The following HMCN2 variants were observed in gnomAD, a reference collection of about 807,000 sequenced individuals.
HMCN2 encodes the protein hemicentin 2.
HMCN2 carries 325 observed loss-of-function variants against 377.5 expected under a neutral mutation model. That is an observed-to-expected ratio of 0.86 (90% CI 0.79 to 0.94). The LOEUF is 0.94. Among genes scored for constraint, HMCN2 ranks in the 40% least tolerant of loss-of-function variants. The probability of loss-of-function intolerance (pLI) is 0.00; values close to 1 mark genes in which losing one functional copy is unlikely to be tolerated. For synonymous variants in HMCN2, 2,007 were observed against 2,046.8 expected (o/e 0.98, Z 0.53); for missense variants, 4,543 against 4,725.3 (o/e 0.96, Z 1.13).
rs1337581302 is a variant in HMCN2, at chr9:130,357,903, A to G, written c.5495A>G (p.Gln1832Arg). Residue 1832 changes from glutamine (Q) to arginine (R), a missense_variant, in exon 35 of 98, where the codon CAG (glutamine) becomes CGG (arginine). Coordinates refer to ENST00000683500, the MANE Select transcript of HMCN2 (RefSeq NM_001291815.2). ...TAPFLQPVTL[Q>R]CIGDGVPTPS... Reference sequence around the variant, plus strand: ...CCTTTCCTGCAGCCTGTGACCCTCCAGTGCATAGGGGATGGGGTGCCCACC... The same window carrying G: ...CCTTTCCTGCAGCCTGTGACCCTCCGGTGCATAGGGGATGGGGTGCCCACC... The G allele has an allele frequency of 2.3e-6, 3 of 1,304,038 alleles. No homozygotes were observed. Among genetic ancestry groups the G allele is most frequent in the Admixed American group, 4.6e-5 (2 of 43,550 alleles). 80.8% of individuals were successfully genotyped at this position (1,304,038 alleles called of 1,614,324 possible).
rs1554937028 is a variant in HMCN2 at position 130,306,911 on chromosome 9, C to A, written c.2059C>A (p.Gln687Lys). The A allele has an allele frequency of 2.1e-6, 1 of 470,736 alleles. No homozygotes were observed. Among genetic ancestry groups the A allele is most frequent in the South Asian group, 1.6e-5 (1 of 64,514 alleles). The allele number at this position is 470,736 out of a possible 1,614,324, so 29.2% of individuals were successfully genotyped here. A position where few individuals can be genotyped will look rare whatever the true frequency, so the allele number is the denominator to read the frequency against. ...GGCGACTAATGAGGTTGGCACTGAC[C>A]AGGAGACGGTCACCCTCTACTACAC... The part of the protein sequence containing the change: ...CQATNEVGTD[Q>K]ETVTLYYTDP... The change falls in exon 13 of 98, where the codon CAG becomes AAG. Residue 687 changes from glutamine to lysine, a missense_variant. Around this residue, in one of 5 missense-constraint regions of HMCN2, gnomAD observed 547 missense variants for 189.9 expected, o/e 2.88. Transcript: ENST00000683500.
At chr9:130,387,878 A>C (rs1001550700) in intron 61 of HMCN2, among the ~76,000 whole-genome samples, 4 of 152,222 alleles carry the variant, frequency 2.6e-5, no homozygotes, top group African/African-American at 9.6e-5. Context: ...GGAGTTTGAG[A>C]TCAGACTGGG....
intron 3 of HMCN2, among the ~76,000 whole-genome samples, 168 bp downstream of exon 3, chr9:130,285,484 G>A (rs1835371557): frequency 6.6e-6 from 1 of 152,242 alleles, no homozygotes; most frequent in South Asian, 2.1e-4. Context: ...TCCGAACCAA[G>A]TTGGCCCAGG....
intron 85 of HMCN2, among the ~76,000 whole-genome samples, chr9:130,418,282 C>T (rs950892037): frequency 2.0e-5 from 3 of 152,226 alleles, no homozygotes; most frequent in African/African-American, 4.8e-5. Flanking sequence ...AGCAGATGGC[C>T]GGGCGTGGTG....
intron 43 of HMCN2, 149 bp from the exon 44 acceptor site, chr9:130,368,127 G>A (rs1840795729): frequency 3.6e-6 from 1 of 275,654 alleles, no homozygotes; most frequent in Non-Finnish European, 5.5e-6. Flanking sequence ...ACTCATGGAA[G>A]GCTTCCCGGA....
chr9:130,293,277 AAG>A (rs1554930690), intron 4 of HMCN2, among the ~76,000 whole-genome samples: 3 of 36,090 alleles, frequency 8.3e-5, no homozygotes, highest in East Asian at 2.0e-3. Flanking sequence ...CTACTCACTA[AAG>A]TTTTTTTTTT....
At chr9:130,378,637 C>T (rs1026596973) in intron 53 of HMCN2, among the ~76,000 whole-genome samples, 3 of 151,824 alleles carry the variant, frequency 2.0e-5, no homozygotes, top group South Asian at 2.1e-4. Context: ...GCAAGCTGGG[C>T]GATGGATAAG....
In HMCN2 at chr9:130,277,844, TCAC is replaced by T. The variant is rs1280411383; in HGVS notation, c.260-6744_260-6742del. 5.1e-3 allele frequency among the ~76,000 whole-genome samples: 40 copies of T among 7,778 alleles called. 11 individuals carry two copies. Among genetic ancestry groups the T allele is most frequent in the African/African-American group, 0.016 (28 of 1,708 alleles). The allele number at this position is 7,778 out of a possible 152,430, so 5.1% of individuals were successfully genotyped here. A position where few individuals can be genotyped will look rare whatever the true frequency, so the allele number is the denominator to read the frequency against. On this transcript the variant is annotated intron_variant, in intron 1 of 97. Coordinates refer to ENST00000683500, the MANE Select transcript of HMCN2 (RefSeq NM_001291815.2). The stretch of plus-strand genomic sequence containing the variant: ...ATCATCACCACCACCATCATCATCA[TCAC>T]CACCACCACCACCATCATCATCATC...
chr9:130,282,272 A>G (rs1835162550), intron 1 of HMCN2, among the ~76,000 whole-genome samples: 1 of 152,186 alleles, frequency 6.6e-6, no homozygotes, highest in Non-Finnish European at 1.5e-5. Flanking sequence ...GCTCTGTGCC[A>G]GGGGTTTAGC....
chr9:130,350,378 CAAAAAAATACA>C (rs1463317643), intron 29 of HMCN2, among the ~76,000 whole-genome samples: 2 of 74,724 alleles, frequency 2.7e-5, no homozygotes, highest in East Asian at 4.0e-4. Context: ...GCTAAAAATA[CAAAAAAATACA>C]AAAAAAAAAA....
chr9:130,284,420 G>T (rs371369894), intron 1 of HMCN2, among the ~76,000 whole-genome samples, 183 bp from the exon 2 acceptor site: 120 of 152,202 alleles, frequency 7.9e-4, no homozygotes, highest in African/African-American at 2.7e-3. Flanking sequence ...GGGGCAGAGT[G>T]GTGTGACCTT....
intron 25 of HMCN2, among the ~76,000 whole-genome samples, chr9:130,344,294 T>G (rs1209145508): frequency 6.6e-6 from 1 of 151,798 alleles, no homozygotes; most frequent in Non-Finnish European, 1.5e-5. Context: ...ATGTGGTGTA[T>G]GTGTCATGTG....
At chr9:130,353,268 C>T (rs1839834864) in intron 31 of HMCN2, 63 bp downstream of exon 31, 3 of 1,264,570 alleles carry the variant, frequency 2.4e-6, no homozygotes, top group Non-Finnish European at 3.1e-6. Context: ...CATGGTGGCC[C>T]CTGCCTGTCT....
intron 53 of HMCN2, among the ~76,000 whole-genome samples, chr9:130,378,739 C>T (rs763078103): frequency 6.6e-5 from 10 of 152,128 alleles, no homozygotes; most frequent in Admixed American, 2.0e-4. Flanking sequence ...TTTTCATCTC[C>T]GGTGCTTCTG....
chr9:130,350,668 C>G (rs538671317), intron 29 of HMCN2, among the ~76,000 whole-genome samples: 8 of 151,802 alleles, frequency 5.3e-5, no homozygotes, highest in Non-Finnish European at 8.8e-5. Context: ...GGGCAGATCA[C>G]GAGGTCAGGA....
At position 130,303,139 on chromosome 9, in the gene HMCN2, G is replaced by T. The variant is rs1287101087; in HGVS notation, c.1421+138G>T. ...TATCCTCCTGGGCAGCCCAGCCTGG[G>T]ACTTCCAGTGCAGCCAGGGATGGAG... On this transcript the variant is annotated intron_variant, in intron 9 of 97. Transcript: ENST00000683500. The surrounding 1 kb of genome is among the most constrained non-coding windows in gnomAD (Gnocchi z 5.2). 2 of 306,604 alleles carry T rather than the reference G, an allele frequency of 6.5e-6. No homozygotes were observed. The highest frequency in any genetic ancestry group is 4.4e-5 in the African/African-American group (2 of 45,664). 19.0% of individuals were successfully genotyped at this position (306,604 alleles called of 1,614,324 possible).
chr9:130,396,513 C>T (rs554297516), intron 73 of HMCN2, among the ~76,000 whole-genome samples, 200 bp downstream of exon 73: 21 of 152,092 alleles, frequency 1.4e-4, no homozygotes, highest in Admixed American at 9.8e-4. Context: ...ATAGATGGGG[C>T]GGGGTAGAGG....
chr9:130,356,894 G>A (rs952947481), intron 34 of HMCN2, among the ~76,000 whole-genome samples: 1 of 152,188 alleles, frequency 6.6e-6, no homozygotes, highest in Non-Finnish European at 1.5e-5. Context: ...GGATAGATCA[G>A]TGGGTGGGTG....
chr9:130,339,650 T>C (rs1838945462), intron 23 of HMCN2, among the ~76,000 whole-genome samples: 1 of 152,174 alleles, frequency 6.6e-6, no homozygotes, highest in South Asian at 2.1e-4. Flanking sequence ...GCCCATCCCA[T>C]TGTGGGCATT....
Sources: gnomAD v4.1 joint callset for allele counts (sites outside exome capture counted in the v4.1 genomes callset) on GRCh38, gnomAD v4.1.1 for gene constraint, gnomAD v4.1.1 regional missense constraint, Gnocchi (gnomAD v3.1) non-coding constraint, MANE v1.5 for transcripts, NCBI Gene and HGNC (gene_info 2026-07-23, HGNC 2026-07-21) for gene names.